OSBPL1A: variants seen among roughly 807,000 people sequenced by gnomAD.
OSBPL1A encodes oxysterol binding protein like 1A.
A neutral mutation model predicts 137.1 loss-of-function variants in OSBPL1A; 80 were observed. That is an observed-to-expected ratio of 0.58 (90% CI 0.49 to 0.70). The LOEUF is 0.70. Among genes scored for constraint, OSBPL1A ranks in the 30% least tolerant of loss-of-function variants. The pLI, the probability that OSBPL1A is intolerant of heterozygous loss-of-function variation, is 0.00. For missense variants in OSBPL1A, 970 were observed against 1,129.4 expected (o/e 0.86, Z 2.02); for synonymous variants, 365 against 389.7 (o/e 0.94, Z 0.75).
chr18:24,299,739 C>T (rs2090361754), intron 14 of OSBPL1A, among the ~76,000 whole-genome samples: 1 of 152,084 alleles, frequency 6.6e-6, no homozygotes, highest in Admixed American at 6.6e-5. Context: ...TAAGTGAAGT[C>T]CTTCTAATTT....
chr18:24,396,224 T>TA (rs372296881), intron 1 of OSBPL1A, among the ~76,000 whole-genome samples: 67,510 of 139,862 alleles, frequency 0.48, 16,028 homozygotes, highest in South Asian at 0.59. Context: ...TGTCTCAATT[T>TA]AAAAAAAAAA....
chr18:24,177,856 T>C (rs1482787534), intron 21 of OSBPL1A, among the ~76,000 whole-genome samples, 157 bp downstream of exon 21: 1 of 152,264 alleles, frequency 6.6e-6, no homozygotes, highest in African/African-American at 2.4e-5. Flanking sequence ...TACTGCCATG[T>C]TTCTCAAATT....
chr18:24,318,790 A>G lies in OSBPL1A; in HGVS notation c.645T>C (p.Leu215=), dbSNP rs1167833108. The G allele has an allele frequency of 7.4e-6, 12 of 1,613,510 alleles. No homozygotes were observed. In the South Asian group the frequency reaches 9.9e-5, roughly 13 times the overall value. ...TGTGTTTCATTTCAGCACCCTGGGC[A>G]AGGTCAAGAGGTTTCTGATCTGTGC... The part of the protein sequence containing the change: ...KNKNDQKPLD[L]AQGAEMKHIL... The change falls in exon 8 of 28, where the codon CTT becomes CTC. Residue 215 remains leucine (L), a synonymous_variant. Coordinates refer to ENST00000319481, the MANE Select transcript of OSBPL1A (RefSeq NM_080597.4).
chr18:24,266,072 C>T (rs1229583179), intron 15 of OSBPL1A, among the ~76,000 whole-genome samples: 5 of 152,180 alleles, frequency 3.3e-5, no homozygotes, highest in African/African-American at 7.2e-5. Flanking sequence ...AAAGGGTCTG[C>T]GTTAACGACT....
intron 1 of OSBPL1A, among the ~76,000 whole-genome samples, chr18:24,381,375 G>A (rs891499425): frequency 6.6e-6 from 1 of 152,154 alleles, no homozygotes; most frequent in African/African-American, 2.4e-5. Flanking sequence ...AAGGGTGGAG[G>A]GTTCTTGCTA....
chr18:24,385,215 A>C (rs1906882724), intron 1 of OSBPL1A, among the ~76,000 whole-genome samples: 1 of 151,968 alleles, frequency 6.6e-6, no homozygotes, highest in Admixed American at 6.6e-5. Context: ...CGGCCTCCCA[A>C]AGTGCTGGGA....
At chr18:24,234,011 C>T (rs2088364469) in intron 16 of OSBPL1A, among the ~76,000 whole-genome samples, 2 of 151,670 alleles carry the variant, frequency 1.3e-5, no homozygotes, top group African/African-American at 4.8e-5. Context: ...GAAGGAAACA[C>T]AAAAAAAGAA....
At chr18:24,279,761 C>A (rs1041760935) in intron 15 of OSBPL1A, among the ~76,000 whole-genome samples, 7 of 152,172 alleles carry the variant, frequency 4.6e-5, no homozygotes, top group Non-Finnish European at 1.0e-4. Flanking sequence ...CAAAACACAT[C>A]TTTGTAACTT....
At chr18:24,337,329 T>C (rs1440426950) in intron 5 of OSBPL1A, among the ~76,000 whole-genome samples, 2 of 149,572 alleles carry the variant, frequency 1.3e-5, no homozygotes, top group Non-Finnish European at 3.0e-5. Context: ...GCCTTTTCTC[T>C]ATCAAAATAA....
chr18:24,269,247 TCTAA>T (rs984886563), intron 15 of OSBPL1A, among the ~76,000 whole-genome samples: 13 of 152,222 alleles, frequency 8.5e-5, no homozygotes, highest in Non-Finnish European at 1.8e-4. Context: ...TTTCAGTGAC[TCTAA>T]CTGCCCAAGA....
intron 16 of OSBPL1A, among the ~76,000 whole-genome samples, chr18:24,230,803 T>C (rs747735115): frequency 6.6e-6 from 1 of 152,236 alleles, no homozygotes; most frequent in East Asian, 1.9e-4. Flanking sequence ...CCTACATTAT[T>C]TACTGAACTT....
At chr18:24,371,371 G>A (rs996219291) in intron 2 of OSBPL1A, among the ~76,000 whole-genome samples, 10 of 151,974 alleles carry the variant, frequency 6.6e-5, no homozygotes, top group Non-Finnish European at 1.3e-4. Flanking sequence ...GACATATTCA[G>A]CTTCACAGAG....
chr18:24,231,230 G>A (rs1674910352), intron 16 of OSBPL1A, among the ~76,000 whole-genome samples: 1 of 152,176 alleles, frequency 6.6e-6, no homozygotes, highest in African/African-American at 2.4e-5. Flanking sequence ...GAATTAAAAT[G>A]TAAAATCTCA....
intron 25 of OSBPL1A, 34 bp from the exon 26 acceptor site, chr18:24,166,736 G>A (rs1395828663): frequency 1.6e-5 from 25 of 1,594,786 alleles, no homozygotes; most frequent in Middle Eastern, 3.3e-4. Context: ...ATTAAAATAT[G>A]CCAAGGCATA....
intron 15 of OSBPL1A, among the ~76,000 whole-genome samples, chr18:24,266,251 T>C (rs894028660): frequency 3.3e-5 from 5 of 152,214 alleles, no homozygotes; most frequent in Admixed American, 1.3e-4. Flanking sequence ...TCCCTGGCTC[T>C]GTCTTCAGCT....
At chr18:24,353,427 G>A (rs1052908090) in intron 4 of OSBPL1A, among the ~76,000 whole-genome samples, 2 of 152,038 alleles carry the variant, frequency 1.3e-5, no homozygotes, top group Admixed American at 6.6e-5. Context: ...AACAGGTGCT[G>A]GAGAGGATGT....
intron 22 of OSBPL1A, 61 bp downstream of exon 22, chr18:24,172,315 T>C (rs2086308178): frequency 8.5e-7 from 1 of 1,175,816 alleles, no homozygotes; most frequent in Non-Finnish European, 1.3e-6. Flanking sequence ...AAAAAACTGA[T>C]GTCCACTAAA....
chr18:24,266,993 G>A (rs545933035), intron 15 of OSBPL1A, among the ~76,000 whole-genome samples: 4 of 151,644 alleles, frequency 2.6e-5, no homozygotes, highest in South Asian at 4.2e-4. Context: ...ACTAAAGACC[G>A]TTCTTTGAAA....
At chr18:24,330,554 G>A (rs1308679761) in intron 7 of OSBPL1A, among the ~76,000 whole-genome samples, 12 of 148,702 alleles carry the variant, frequency 8.1e-5, no homozygotes, top group African/African-American at 3.0e-4. Context: ...GCACAATCTC[G>A]GCTCACTGCA....
Sources: allele counts gnomAD v4.1 joint callset (sites outside exome capture counted in the v4.1 genomes callset), GRCh38; gene constraint gnomAD v4.1.1; transcripts MANE v1.5; gene names NCBI Gene and HGNC (gene_info 2026-07-23, HGNC 2026-07-21).